DLGAP2: variants seen among roughly 807,000 people sequenced by gnomAD.
The protein encoded by DLGAP2 is DLG associated protein 2, also known as disks large-associated protein 2.
A neutral mutation model predicts 100.3 loss-of-function variants in DLGAP2; 26 were observed. The observed-to-expected ratio is 0.26, with a 90% CI of 0.19 to 0.36. The LOEUF is 0.36. Among genes scored for constraint, DLGAP2 ranks in the 10% least tolerant of loss-of-function variants. DLGAP2 has a pLI of 1.00. For synonymous variants in DLGAP2, 886 were observed against 630.1 expected (o/e 1.41, Z -6.08); for missense variants, 1,858 against 1,453.2 (o/e 1.28, Z -4.53).
At chr8:1,243,437 C>G (rs1798840929) in intron 2 of DLGAP2, among the ~76,000 whole-genome samples, 1 of 152,262 alleles carries the variant, frequency 6.6e-6, no homozygotes, top group Admixed American at 6.5e-5. Context: ...CCTCTGTCAT[C>G]TGAGGCCAGA....
intron 3 of DLGAP2, among the ~76,000 whole-genome samples, chr8:1,350,878 C>T (rs369757498): frequency 2.5e-5 from 2 of 78,986 alleles, no homozygotes; most frequent in African/African-American, 4.5e-5. Flanking sequence ...AAAGGCCGCG[C>T]GGGTCCTGAC....
At chr8:1,587,223 G>C (rs1173179154) in intron 6 of DLGAP2, among the ~76,000 whole-genome samples, 8 of 152,132 alleles carry the variant, frequency 5.3e-5, no homozygotes, top group Non-Finnish European at 1.0e-4. Flanking sequence ...TCATCTATAG[G>C]AACTATTTAA....
At chr8:1,343,413 G>A (rs1801464817) in intron 3 of DLGAP2, among the ~76,000 whole-genome samples, 2 of 152,188 alleles carry the variant, frequency 1.3e-5, no homozygotes, top group Non-Finnish European at 2.9e-5. Flanking sequence ...TTTTCTTGGG[G>A]TCCATCATGT....
chr8:1,151,922 A>G (rs1418759179), intron 2 of DLGAP2, among the ~76,000 whole-genome samples: 2 of 152,270 alleles, frequency 1.3e-5, no homozygotes, highest in African/African-American at 2.4e-5. Context: ...CCTGATATGT[A>G]AAGGCTGATT....
chr8:802,759 C>G (rs1289236338), intron 1 of DLGAP2, among the ~76,000 whole-genome samples: 1 of 152,150 alleles, frequency 6.6e-6, no homozygotes, highest in African/African-American at 2.4e-5. Flanking sequence ...TCACACACCA[C>G]CATAACATCT....
chr8:829,246 A>C (rs1402108571), intron 1 of DLGAP2, among the ~76,000 whole-genome samples: 1 of 152,220 alleles, frequency 6.6e-6, no homozygotes, highest in African/African-American at 2.4e-5. Context: ...GTGTAAAAAT[A>C]ATCAATATTT....
At chr8:1,078,016 C>T (rs1376372961) in intron 2 of DLGAP2, among the ~76,000 whole-genome samples, 6 of 152,190 alleles carry the variant, frequency 3.9e-5, no homozygotes, top group African/African-American at 1.2e-4. Flanking sequence ...AATATAAATA[C>T]TTGCTTCCAG....
chr8:771,500 G>C (rs1205073274), intron 1 of DLGAP2, among the ~76,000 whole-genome samples: 1 of 152,220 alleles, frequency 6.6e-6, no homozygotes, highest in Non-Finnish European at 1.5e-5. Flanking sequence ...GGCTAGCTCT[G>C]TCACTAAGTA....
At chr8:1,155,887 C>T (rs1796774477) in intron 2 of DLGAP2, among the ~76,000 whole-genome samples, 1 of 152,112 alleles carries the variant, frequency 6.6e-6, no homozygotes. Flanking sequence ...TGTCTGCATC[C>T]AGCGGCGGGG....
intron 2 of DLGAP2, among the ~76,000 whole-genome samples, chr8:1,107,558 C>T (rs918331476): frequency 6.6e-6 from 1 of 152,206 alleles, no homozygotes. Flanking sequence ...TGTTATTTTC[C>T]AGCGGAATTC....
At chr8:1,255,491 C>T (rs1415176407) in intron 2 of DLGAP2, among the ~76,000 whole-genome samples, 5 of 133,100 alleles carry the variant, frequency 3.8e-5, no homozygotes, top group African/African-American at 1.2e-4. Context: ...TGTGTGTCCT[C>T]ATCTTGCCCG....
chr8:812,277 C>A (rs1384465376), intron 1 of DLGAP2, among the ~76,000 whole-genome samples: 1 of 152,178 alleles, frequency 6.6e-6, no homozygotes, highest in Admixed American at 6.5e-5. Flanking sequence ...TCTGCGTGAC[C>A]TTGTCCCTAT....
intron 3 of DLGAP2, among the ~76,000 whole-genome samples, chr8:1,294,888 C>A (rs78286090): frequency 2.1e-5 from 3 of 145,102 alleles, no homozygotes; most frequent in Non-Finnish European, 3.0e-5. Flanking sequence ...AAAAACAAAA[C>A]TTTTTTTTTT....
chr8:1,490,862 C>T (rs1230876500), intron 3 of DLGAP2, among the ~76,000 whole-genome samples: 2 of 135,610 alleles, frequency 1.5e-5, no homozygotes, highest in South Asian at 2.7e-4. Context: ...CATCACACAC[C>T]GGGGACGGTT....
chr8:1,425,723 A>G (rs1394845250), intron 3 of DLGAP2, among the ~76,000 whole-genome samples: 1 of 152,210 alleles, frequency 6.6e-6, no homozygotes, highest in Non-Finnish European at 1.5e-5. Flanking sequence ...CTGTGGGCTC[A>G]TGAACCAAGA....
intron 3 of DLGAP2, among the ~76,000 whole-genome samples, chr8:1,465,309 A>G (rs567889855): frequency 4.1e-4 from 62 of 152,308 alleles, no homozygotes; most frequent in African/African-American, 1.5e-3. Flanking sequence ...TATAAAGGAT[A>G]CAGATGAAGA....
rs184086092 is a variant in DLGAP2 at position 747,510 on chromosome 8, A to C, written c.18+9685A>C. On this transcript the variant is annotated intron_variant, in intron 1 of 14. Transcript: ENST00000637795. ...TCCAGCCGAGGGGAACGCGGAGGAC[A>C]CAGGCGGCTGGAGGGTGACCTTTGA... 6.8e-4 allele frequency among the ~76,000 whole-genome samples: 96 copies of C among 140,290 alleles called. No homozygotes were observed. In the East Asian group the frequency reaches 0.018, roughly 26 times the overall value. 92.0% of individuals were successfully genotyped at this position (140,290 alleles called of 152,430 possible).
In DLGAP2 at chr8:1,330,804, A is replaced by G. The variant is rs1453916962; in HGVS notation, c.106+71921A>G. 1.5e-5 allele frequency among the ~76,000 whole-genome samples: 2 copies of G among 133,120 alleles called. 1 individual carries two copies. Among genetic ancestry groups the G allele is most frequent in the African/African-American group, 6.0e-5 (2 of 33,090 alleles). 87.3% of individuals were successfully genotyped at this position (133,120 alleles called of 152,430 possible). On this transcript the variant is annotated intron_variant, in intron 3 of 14. Transcript: ENST00000637795. ...TGGGTGGGAGCACTGCTTCACGGGG[A>G]CCGAGTTCTGGGTGGGACTGAGTTC...
intron 6 of DLGAP2, among the ~76,000 whole-genome samples, chr8:1,572,815 G>T (rs1409038531): frequency 1.2e-5 from 1 of 81,220 alleles, no homozygotes; most frequent in Non-Finnish European, 2.6e-5. Context: ...GGAGAGAGGG[G>T]TGAACTGTGG....
Sources: allele counts gnomAD v4.1 joint callset (sites outside exome capture counted in the v4.1 genomes callset), GRCh38; gene constraint gnomAD v4.1.1; transcripts MANE v1.5; gene names NCBI Gene and HGNC (gene_info 2026-07-23, HGNC 2026-07-21).